The following CTXND1 variants were observed in gnomAD, a reference collection of about 807,000 sequenced individuals.
CTXND1 encodes the protein cortexin domain-containing 1 protein.
chr15:80,243,815 T>C (rs530545133), intron 1 of CTXND1, among the ~76,000 whole-genome samples: 6 of 152,274 alleles, frequency 3.9e-5, no homozygotes, highest in African/African-American at 1.2e-4. Flanking sequence ...CTCATGATAA[T>C]GGAGCAATGA....
chr15:80,224,093 G>A (rs1478315568), intron 1 of CTXND1, among the ~76,000 whole-genome samples: 6 of 152,102 alleles, frequency 3.9e-5, no homozygotes, highest in South Asian at 2.1e-4. Context: ...CTGCTCTGAC[G>A]ATCACTAAGT....
intron 1 of CTXND1, among the ~76,000 whole-genome samples, chr15:80,233,092 C>A (rs1893450254): frequency 6.6e-6 from 1 of 152,064 alleles, no homozygotes; most frequent in Non-Finnish European, 1.5e-5. Flanking sequence ...TAGGCGCCCA[C>A]CACCACGCCT....
At position 80,197,847 on chromosome 15, in the gene CTXND1, A is replaced by G. The variant is rs1567126228; in HGVS notation, c.*3923T>C. On this transcript the variant is annotated 3_prime_UTR_variant, in exon 3 of 3. Coordinates refer to ENST00000560778, the MANE Select transcript of CTXND1 (RefSeq NM_001352888.2). ...TGAAAGCAGGGCCAGCCCCTTTTGG[A>G]TTGATTTAGCCTCTGAAGTTCTGGA... 6.6e-6 allele frequency: 1 copy of G among 152,210 alleles called. No homozygotes were observed. Among genetic ancestry groups the G allele is most frequent in the Non-Finnish European group, 1.5e-5 (1 of 68,048 alleles). 9.4% of individuals were successfully genotyped at this position (152,210 alleles called of 1,614,324 possible). A position where few individuals can be genotyped will look rare whatever the true frequency, so the allele number is the denominator to read the frequency against.
At chr15:80,238,229 G>T (rs904782419) in intron 1 of CTXND1, among the ~76,000 whole-genome samples, 12 of 151,948 alleles carry the variant, frequency 7.9e-5, no homozygotes, top group African/African-American at 2.7e-4. Context: ...TTCCAGTCCT[G>T]CAAGTTCCAT....
At chr15:80,230,914 C>T (rs775909043) in intron 1 of CTXND1, among the ~76,000 whole-genome samples, 6 of 151,924 alleles carry the variant, frequency 3.9e-5, no homozygotes, top group African/African-American at 1.5e-4. Context: ...AAAAATTAGC[C>T]GGGCAGGGTG....
chr15:80,248,981 C>T (rs1441446737), intron 1 of CTXND1, among the ~76,000 whole-genome samples: 4 of 151,578 alleles, frequency 2.6e-5, no homozygotes, highest in African/African-American at 7.3e-5. Context: ...GAGACAGGGT[C>T]TCACTATGTT....
At position 80,200,293 on chromosome 15, in the gene CTXND1, A is replaced by G. The variant is rs977777180; in HGVS notation, c.*1477T>C. On this transcript the variant is annotated 3_prime_UTR_variant, in exon 3 of 3. Coordinates refer to ENST00000560778, the MANE Select transcript of CTXND1 (RefSeq NM_001352888.2). ...CCATGTTCTCTCATTTCGTCCTCAC[A>G]ACAACCTTGCGAGGTAGATGTTATT... The G allele has an allele frequency of 6.6e-6, 1 of 152,214 alleles. No homozygotes were observed. Among genetic ancestry groups the G allele is most frequent in the African/African-American group, 2.4e-5 (1 of 41,440 alleles). The allele number at this position is 152,214 out of a possible 1,614,324, so 9.4% of individuals were successfully genotyped here.
intron 2 of CTXND1, among the ~76,000 whole-genome samples, chr15:80,203,286 C>T (rs1893107851): frequency 3.3e-5 from 5 of 152,180 alleles, no homozygotes; most frequent in Admixed American, 6.5e-5. Context: ...ATTTAAAGCT[C>T]ATGATACCCC....
At chr15:80,212,359 T>C (rs1266622377) in intron 1 of CTXND1, among the ~76,000 whole-genome samples, 1 of 152,226 alleles carries the variant, frequency 6.6e-6, no homozygotes, top group Admixed American at 6.5e-5. Context: ...TTCCATACTT[T>C]TAAATTCAAG....
intron 1 of CTXND1, 98 bp downstream of exon 1, chr15:80,251,909 C>G (rs1237868452): frequency 6.6e-6 from 1 of 151,970 alleles, no homozygotes; most frequent in Non-Finnish European, 1.5e-5. Context: ...CGCCTGCGGC[C>G]GGTGACCCGC....
chr15:80,234,141 C>T (rs760109741), intron 1 of CTXND1, among the ~76,000 whole-genome samples: 154 of 152,046 alleles, frequency 1.0e-3, no homozygotes, highest in Non-Finnish European at 1.7e-3. Flanking sequence ...GAGCATCATG[C>T]GGAAATAAGA....
At chr15:80,224,747 G>A (rs1255870788) in intron 1 of CTXND1, among the ~76,000 whole-genome samples, 1 of 152,018 alleles carries the variant, frequency 6.6e-6, no homozygotes, top group African/African-American at 2.4e-5. Context: ...AGTGTTTTTT[G>A]AGTAGTTTTA....
chr15:80,236,201 C>A (rs1893493569), intron 1 of CTXND1, among the ~76,000 whole-genome samples: 1 of 151,896 alleles, frequency 6.6e-6, no homozygotes, highest in East Asian at 1.9e-4. Context: ...TCAAGGTTGG[C>A]CCGCTGCTCG....
intron 1 of CTXND1, among the ~76,000 whole-genome samples, chr15:80,233,537 C>A (rs534054072): frequency 1.3e-5 from 2 of 152,226 alleles, no homozygotes; most frequent in East Asian, 3.9e-4. Flanking sequence ...CAGAAAATAG[C>A]CCCTGGTTTC....
chr15:80,239,166 C>T (rs1456108787), intron 1 of CTXND1, among the ~76,000 whole-genome samples: 1 of 152,120 alleles, frequency 6.6e-6, no homozygotes, highest in East Asian at 1.9e-4. Flanking sequence ...CCGTCTGAAG[C>T]CCTTCCCACC....
chr15:80,225,476 C>G (rs1002980570), intron 1 of CTXND1, among the ~76,000 whole-genome samples: 31 of 152,230 alleles, frequency 2.0e-4, no homozygotes, highest in Admixed American at 1.2e-3. Flanking sequence ...TTTTATTATA[C>G]AAATATACAG....
chr15:80,211,068 T>C (rs1442304779), intron 1 of CTXND1, among the ~76,000 whole-genome samples: 1 of 152,150 alleles, frequency 6.6e-6, no homozygotes, highest in Non-Finnish European at 1.5e-5. Flanking sequence ...ATTCGGTCCA[T>C]AGCAATGAGA....
Position 80,197,183 on chromosome 15 carries a change from A to C in CTXND1, c.*4587T>G, listed in dbSNP as rs2041424570. On this transcript the variant is annotated 3_prime_UTR_variant, in exon 3 of 3. Coordinates refer to ENST00000560778, the MANE Select transcript of CTXND1 (RefSeq NM_001352888.2). The stretch of plus-strand genomic sequence containing the variant: ...GTGATCCTCCCACCTCAGACTCCTG[A>C]GTAGCTGGGACTATAGGTGTGCAAC... 6.6e-6 allele frequency: 1 copy of C among 152,164 alleles called. No homozygotes were observed. The highest frequency in any genetic ancestry group is 1.5e-5 in the Non-Finnish European group (1 of 68,046). The allele number at this position is 152,164 out of a possible 1,614,324, so 9.4% of individuals were successfully genotyped here.
chr15:80,214,813 C>T (rs903782795), intron 1 of CTXND1, among the ~76,000 whole-genome samples: 1 of 152,136 alleles, frequency 6.6e-6, no homozygotes, highest in Admixed American at 6.6e-5. Context: ...AAAATCAACA[C>T]AGTTAAAAAT....
Sources: allele counts gnomAD v4.1 joint callset (sites outside exome capture counted in the v4.1 genomes callset), GRCh38; gene constraint gnomAD v4.1.1; transcripts MANE v1.5; gene names NCBI Gene and HGNC (gene_info 2026-07-23, HGNC 2026-07-21).